Variants in CEMIP2 observed in about 807,000 individuals in gnomAD.
CEMIP2 encodes the protein cell surface hyaluronidase CEMIP2.
CEMIP2 carries 79 observed loss-of-function variants against 146.9 expected under a neutral mutation model. The observed-to-expected ratio is 0.54, with a 90% confidence interval of 0.45 to 0.65. The LOEUF (loss-of-function observed/expected upper bound fraction) is 0.65, where lower values mean the gene tolerates loss of function less well. Among genes scored for constraint, CEMIP2 ranks in the 30% least tolerant of loss-of-function variants. The probability of loss-of-function intolerance (pLI) is 0.00; values close to 1 mark genes in which losing one functional copy is unlikely to be tolerated. For synonymous variants in CEMIP2, 601 were observed against 606.3 expected, an observed-to-expected ratio of 0.99 and a Z score of 0.13; for missense variants, 1,596 against 1,696.2, an observed-to-expected ratio of 0.94 and a Z score of 1.04.
chr9:71,751,027 G>A (rs925362262), intron 1 of CEMIP2, among the ~76,000 whole-genome samples: 1 of 152,192 alleles, frequency 6.6e-6, no homozygotes, highest in African/African-American at 2.4e-5. Flanking sequence ...GATTACAGGC[G>A]TGAGCCCCAG....
At chr9:71,762,503 CAAAAAAAA>C (rs58090104) in intron 1 of CEMIP2, among the ~76,000 whole-genome samples, 3 of 79,734 alleles carry the variant, frequency 3.8e-5, no homozygotes, top group Non-Finnish European at 6.9e-5. Flanking sequence ...GCCCCGTCAC[CAAAAAAAA>C]AAAAAAAAAA....
intron 8 of CEMIP2, 89 bp from the exon 9 acceptor site, chr9:71,730,342 A>G (rs1823580351): frequency 1.4e-5 from 19 of 1,328,766 alleles, no homozygotes; most frequent in Non-Finnish European, 1.5e-5. Flanking sequence ...CATGTTCAGT[A>G]CAAGTGGAAA....
chr9:71,767,003 C>T (rs1283437895), intron 1 of CEMIP2, among the ~76,000 whole-genome samples: 1 of 152,192 alleles, frequency 6.6e-6, no homozygotes, highest in Admixed American at 6.5e-5. Context: ...AGAGGACATG[C>T]CTACTACACA....
At position 71,728,526 on chromosome 9, in the gene CEMIP2, T is replaced by C. The variant is rs188762884; in HGVS notation, c.2049+1319A>G. On this transcript the variant is annotated intron_variant, in intron 10 of 23. Coordinates refer to ENST00000377044, the MANE Select transcript of CEMIP2 (RefSeq NM_013390.3). ...CATTTAGGTTTTAAATGAGCAGTTT[T>C]AGTAACACTAAAATTCTCAATAATA... Among the ~76,000 whole-genome samples the C allele has an allele frequency of 1.3e-3, 202 of 150,950 alleles. 1 individual carries two copies. The highest frequency in any genetic ancestry group is 3.4e-3 in the Middle Eastern group (1 of 294).
chr9:71,714,415 A>G (rs1418245289), intron 15 of CEMIP2, among the ~76,000 whole-genome samples: 1 of 152,054 alleles, frequency 6.6e-6, no homozygotes, highest in African/African-American at 2.4e-5. Flanking sequence ...ATTCCCTTCA[A>G]CATCTAAACT....
rs756860331 is a variant in CEMIP2, at chr9:71,714,974, CA to C, written c.2550del (p.Gly851GlufsTer3). The C allele has an allele frequency of 1.9e-6, 3 of 1,613,816 alleles. No individual in the cohort carries two copies. Among genetic ancestry groups the C allele is most frequent in the Non-Finnish European group, 2.5e-6 (3 of 1,179,906 alleles). On this transcript the variant is annotated frameshift_variant, in exon 15 of 24. Transcript: ENST00000377044. LOFTEE classifies it high-confidence loss of function. The part of the protein sequence containing the change: ...FQGGQNKYVG[T>X]GGIDQKPRTL... ...GTTCGAGGCTTCTGGTCTATTCCTC[CA>C]GTGCCTACATACTTGTTCTGACCAC...
chr9:71,690,421 G>A (rs1335860156), intron 21 of CEMIP2, among the ~76,000 whole-genome samples, 175 bp from the exon 22 acceptor site: 1 of 152,192 alleles, frequency 6.6e-6, no homozygotes, highest in African/African-American at 2.4e-5. Context: ...TTGCGTCTGT[G>A]TTCCTAGGCA....
intron 20 of CEMIP2, among the ~76,000 whole-genome samples, chr9:71,695,778 T>A (rs2131867132): frequency 6.6e-6 from 1 of 152,132 alleles, no homozygotes; most frequent in East Asian, 1.9e-4. Flanking sequence ...CCTGTGAATT[T>A]TCCTATTTAC....
At chr9:71,722,247 A>G (rs189846188) in intron 12 of CEMIP2, among the ~76,000 whole-genome samples, 180 bp downstream of exon 12, 8 of 152,354 alleles carry the variant, frequency 5.3e-5, no homozygotes, top group Admixed American at 5.2e-4. Context: ...TTTCAATAAG[A>G]TAAAAGACCA....
intron 22 of CEMIP2, among the ~76,000 whole-genome samples, chr9:71,687,915 G>A (rs7031171): frequency 6.6e-6 from 1 of 152,152 alleles, no homozygotes; most frequent in African/African-American, 2.4e-5. Flanking sequence ...GGAATGCAGT[G>A]ATGCAAGTAT....
chr9:71,747,218 G>A (rs2132012517), intron 2 of CEMIP2, among the ~76,000 whole-genome samples: 1 of 152,274 alleles, frequency 6.6e-6, no homozygotes, highest in Non-Finnish European at 1.5e-5. Flanking sequence ...AAGTATTTGT[G>A]GAGCATCAAT....
chr9:71,754,516 AAC>A (rs1350881169), intron 1 of CEMIP2, among the ~76,000 whole-genome samples: 2 of 152,204 alleles, frequency 1.3e-5, no homozygotes, highest in African/African-American at 4.8e-5. Flanking sequence ...TCTAGTGGAA[AAC>A]ACATGCTATG....
At chr9:71,700,910 A>G in intron 18 of CEMIP2, 86 bp from the exon 19 acceptor site, 1 of 1,211,026 alleles carries the variant, frequency 8.3e-7, no homozygotes. Context: ...ACTGTCCTTC[A>G]TGTGCCACTT....
intron 12 of CEMIP2, among the ~76,000 whole-genome samples, chr9:71,719,187 T>C (rs1233803202): frequency 6.6e-6 from 1 of 152,030 alleles, no homozygotes; most frequent in Non-Finnish European, 1.5e-5. Context: ...CAGGTAGAGA[T>C]TTTCAACCAG....
intron 15 of CEMIP2, 195 bp from the exon 16 acceptor site, chr9:71,712,455 A>C: frequency 1.7e-6 from 1 of 577,538 alleles, no homozygotes. Context: ...AAAACAAAGG[A>C]TCATTTCAGA....
chr9:71,730,643 T>G, intron 8 of CEMIP2, 62 bp downstream of exon 8: 258 of 1,522,316 alleles, frequency 1.7e-4, no homozygotes, highest in Non-Finnish European at 2.1e-4. Context: ...TGAGAAGACA[T>G]GAGAATTAAA....
intron 20 of CEMIP2, among the ~76,000 whole-genome samples, chr9:71,696,795 A>C (rs553405477): frequency 6.6e-6 from 1 of 152,156 alleles, no homozygotes; most frequent in Admixed American, 6.6e-5. Flanking sequence ...AAGCAAAACA[A>C]AACAAAAAAA....
chr9:71,724,650 CA>C (rs1823330376), intron 11 of CEMIP2, among the ~76,000 whole-genome samples: 1 of 152,148 alleles, frequency 6.6e-6, no homozygotes, highest in Non-Finnish European at 1.5e-5. Flanking sequence ...TATTTATCAC[CA>C]GGGGGCGAAG....
At chr9:71,725,201 ATG>A (rs1267949483) in intron 11 of CEMIP2, among the ~76,000 whole-genome samples, 1 of 152,222 alleles carries the variant, frequency 6.6e-6, no homozygotes, top group Non-Finnish European at 1.5e-5. Flanking sequence ...CCCAAAAAGC[ATG>A]TGTTAGAAAG....
Sources: gnomAD v4.1 joint callset for allele counts (sites outside exome capture counted in the v4.1 genomes callset) on GRCh38, gnomAD v4.1.1 for gene constraint, MANE v1.5 for transcripts, NCBI Gene and HGNC (gene_info 2026-07-23, HGNC 2026-07-21) for gene names.